The following CATSPERB variants were observed in gnomAD, a reference collection of about 807,000 sequenced individuals.
The protein encoded by CATSPERB is cation channel sperm-associated auxiliary subunit beta.
CATSPERB carries 93 observed loss-of-function variants against 128.3 expected under a neutral mutation model. That is an observed-to-expected ratio of 0.72 (90% confidence interval 0.61 to 0.86). The LOEUF (loss-of-function observed/expected upper bound fraction) is 0.86, where lower values mean the gene tolerates loss of function less well. CATSPERB is among the 40% of genes least tolerant of loss of function. The probability of loss-of-function intolerance (pLI) is 0.00; values close to 1 mark genes in which losing one functional copy is unlikely to be tolerated. For synonymous variants in CATSPERB, 381 were observed against 448.8 expected, an observed-to-expected ratio of 0.85 and a Z score of 1.91; for missense variants, 1,153 against 1,329.5, an observed-to-expected ratio of 0.87 and a Z score of 2.06.
chr14:91,607,419 T>G (rs888061479), intron 22 of CATSPERB, among the ~76,000 whole-genome samples: 1 of 152,238 alleles, frequency 6.6e-6, no homozygotes, highest in South Asian at 2.1e-4. Context: ...AGCCATGTGG[T>G]ATCAGGCAGA....
chr14:91,639,240 T>C lies in CATSPERB; in HGVS notation c.1443A>G (p.Arg481=), dbSNP rs775839312. The C allele has an allele frequency of 3.1e-5, 50 of 1,613,114 alleles. No homozygotes were observed. Among genetic ancestry groups the C allele is most frequent in the Non-Finnish European group, 4.1e-5 (48 of 1,179,678 alleles). ...CAGTAACACTTCCGACTGCACTGTA[T>C]CTTCCCATTCCTATTAGGAAATACA... The part of the protein sequence containing the change: ...KVYSTKAGMG[R]YSAVGSVTER... The change falls in exon 16 of 27, where the codon AGA becomes AGG. Residue 481 remains arginine (R), a synonymous_variant. Coordinates refer to ENST00000256343, the MANE Select transcript of CATSPERB (RefSeq NM_024764.4).
chr14:91,689,342 C>T (rs970719562), intron 10 of CATSPERB, among the ~76,000 whole-genome samples: 4 of 152,170 alleles, frequency 2.6e-5, no homozygotes, highest in Admixed American at 1.3e-4. Flanking sequence ...AGTGAGGTAA[C>T]GACATGCCAG....
intron 17 of CATSPERB, among the ~76,000 whole-genome samples, chr14:91,627,884 A>G (rs1894197433): frequency 6.6e-6 from 1 of 152,314 alleles, no homozygotes; most frequent in Non-Finnish European, 1.5e-5. Context: ...AGGCTGAGGC[A>G]GGAGGATTGC....
intron 15 of CATSPERB, among the ~76,000 whole-genome samples, chr14:91,640,256 T>A (rs1291968720): frequency 6.6e-6 from 1 of 151,990 alleles, no homozygotes; most frequent in Admixed American, 6.6e-5. Flanking sequence ...TTTTTTATTT[T>A]TTTTTTATTT....
chr14:91,722,972 T>C, intron 4 of CATSPERB, 77 bp downstream of exon 4: 4 of 1,171,048 alleles, frequency 3.4e-6, no homozygotes, highest in Non-Finnish European at 4.5e-6. Flanking sequence ...CTACCTATTT[T>C]TTAAAAAATA....
At chr14:91,684,295 C>T (rs1468459892) in intron 10 of CATSPERB, among the ~76,000 whole-genome samples, 1 of 152,158 alleles carries the variant, frequency 6.6e-6, no homozygotes, top group African/African-American at 2.4e-5. Context: ...TCATTAGTGG[C>T]AGCTGGGTTT....
At chr14:91,691,486 T>C in intron 10 of CATSPERB, 37 bp downstream of exon 10, 1 of 1,502,114 alleles carries the variant, frequency 6.7e-7, no homozygotes, top group Non-Finnish European at 9.0e-7. Flanking sequence ...TAAACACATA[T>C]CTTCTAACCA....
At chr14:91,651,243 T>C (rs574405460) in intron 15 of CATSPERB, among the ~76,000 whole-genome samples, 33 of 152,316 alleles carry the variant, frequency 2.2e-4, no homozygotes, top group African/African-American at 6.7e-4. Flanking sequence ...CTTCTTGCTT[T>C]GGTGGTGTGG....
intron 15 of CATSPERB, among the ~76,000 whole-genome samples, chr14:91,648,766 T>A (rs1418179671): frequency 1.3e-5 from 2 of 152,166 alleles, no homozygotes; most frequent in Non-Finnish European, 1.5e-5. Flanking sequence ...TTATTTATAT[T>A]TTTTTCTCTC....
In CATSPERB at chr14:91,580,716, A is replaced by G. The variant is rs1273970118; in HGVS notation, c.*173T>C. 2 of 615,878 alleles carry G rather than the reference A, an allele frequency of 3.2e-6. No homozygotes were observed. The highest frequency in any genetic ancestry group is 3.0e-5 in the Admixed American group (1 of 33,302). The allele number at this position is 615,878 out of a possible 1,614,324, so 38.2% of individuals were successfully genotyped here. On this transcript the variant is annotated 3_prime_UTR_variant, in exon 27 of 27. Coordinates refer to ENST00000256343, the MANE Select transcript of CATSPERB (RefSeq NM_024764.4). ...TAAGCCCTGGCATAAGACATTTTCT[A>G]TGTATTCAAAATAAGAAAAGGAAAT... is the stretch of plus-strand genomic sequence containing the variant.
At chr14:91,594,028 A>G (rs1313000791) in intron 22 of CATSPERB, among the ~76,000 whole-genome samples, 1 of 152,196 alleles carries the variant, frequency 6.6e-6, no homozygotes, top group East Asian at 1.9e-4. Flanking sequence ...GCTGCCATGT[A>G]AGAAGTGCCT....
At chr14:91,694,303 G>A (rs1023496524) in intron 7 of CATSPERB, among the ~76,000 whole-genome samples, 2 of 151,910 alleles carry the variant, frequency 1.3e-5, no homozygotes, top group Non-Finnish European at 2.9e-5. Flanking sequence ...AATTAGCTGG[G>A]CATGGTGGTG....
intron 15 of CATSPERB, among the ~76,000 whole-genome samples, chr14:91,648,848 T>C (rs974946682): frequency 6.6e-6 from 1 of 152,252 alleles, no homozygotes; most frequent in Non-Finnish European, 1.5e-5. Context: ...AGACTCTGTC[T>C]TTAATGGAGA....
At chr14:91,688,099 GA>G (rs1313690011) in intron 10 of CATSPERB, among the ~76,000 whole-genome samples, 1 of 151,970 alleles carries the variant, frequency 6.6e-6, no homozygotes, top group Non-Finnish European at 1.5e-5. Context: ...CCCCTTTATT[GA>G]AATGTCTGTT....
intron 15 of CATSPERB, among the ~76,000 whole-genome samples, chr14:91,647,825 T>C (rs908901420): frequency 2.6e-5 from 4 of 152,238 alleles, no homozygotes; most frequent in African/African-American, 9.6e-5. Flanking sequence ...AGCCAAACCA[T>C]ATCACCAAGG....
chr14:91,658,067 A>G (rs996019836), intron 15 of CATSPERB, among the ~76,000 whole-genome samples: 2 of 152,112 alleles, frequency 1.3e-5, no homozygotes, highest in Middle Eastern at 3.2e-3. Context: ...AGTACATTGA[A>G]GAGATATCTA....
intron 24 of CATSPERB, among the ~76,000 whole-genome samples, chr14:91,589,245 C>G (rs1210241793): frequency 6.6e-6 from 1 of 152,212 alleles, no homozygotes; most frequent in Non-Finnish European, 1.5e-5. Flanking sequence ...CCATGCAGCA[C>G]AAATTCAGTC....
At position 91,623,352 on chromosome 14, in the gene CATSPERB, C is replaced by T. The variant is rs11844671; in HGVS notation, c.1931-1415G>A. On this transcript the variant is annotated intron_variant, in intron 18 of 26. Transcript: ENST00000256343. The stretch of plus-strand genomic sequence containing the variant: ...ACTCTTAGTTCTACTCTGACCAGGC[C>T]ACCCAATATCCTTTAATGATTCTCC... Among the ~76,000 whole-genome samples the T allele has an allele frequency of 6.0e-3, 907 of 152,266 alleles. 12 individuals carry two copies. The highest frequency in any genetic ancestry group is 0.02 in the African/African-American group (832 of 41,550).
intron 20 of CATSPERB, among the ~76,000 whole-genome samples, chr14:91,613,526 G>T (rs1893873100): frequency 6.6e-6 from 1 of 152,178 alleles, no homozygotes; most frequent in Middle Eastern, 3.2e-3. Flanking sequence ...TATGCTATTT[G>T]TAGTATTGTT....
Sources: allele counts gnomAD v4.1 joint callset (sites outside exome capture counted in the v4.1 genomes callset), GRCh38; gene constraint gnomAD v4.1.1; transcripts MANE v1.5; gene names NCBI Gene and HGNC (gene_info 2026-07-23, HGNC 2026-07-21).